HS2ST1: variants seen among roughly 807,000 people sequenced by gnomAD.
HS2ST1 encodes the protein heparan sulfate 2-O-sulfotransferase 1.
In HS2ST1, 18 loss-of-function variants were observed where a neutral mutation model predicts 42.9. That is an observed-to-expected ratio of 0.42 (90% CI 0.29 to 0.62). The LOEUF (loss-of-function observed/expected upper bound fraction) is 0.62. HS2ST1 is among the 20% of genes least tolerant of loss of function. The pLI, the probability that HS2ST1 is intolerant of heterozygous loss-of-function variation, is 0.21. For missense variants in HS2ST1, 334 were observed against 433.8 expected (o/e 0.77, Z 2.04); for synonymous variants, 146 against 152.9 (o/e 0.95, Z 0.33).
chr1:86,945,965 A>G (rs1280462639), intron 1 of HS2ST1, among the ~76,000 whole-genome samples: 1 of 152,200 alleles, frequency 6.6e-6, no homozygotes. Context: ...CAAGTCTCCA[A>G]AACAAATACT....
intron 1 of HS2ST1, among the ~76,000 whole-genome samples, chr1:86,955,752 A>C (rs903837756): frequency 7.9e-5 from 12 of 152,336 alleles, no homozygotes; most frequent in Non-Finnish European, 2.9e-5. Flanking sequence ...TGGGAGGCCA[A>C]GGTGGGCGGA....
At chr1:86,962,661 C>T (rs749578506) in intron 1 of HS2ST1, among the ~76,000 whole-genome samples, 1 of 152,180 alleles carries the variant, frequency 6.6e-6, no homozygotes, top group Non-Finnish European at 1.5e-5. Context: ...CTGTGATTTA[C>T]AGGTGAATTA....
intron 1 of HS2ST1, among the ~76,000 whole-genome samples, chr1:86,924,822 A>C (rs1203815716): frequency 6.6e-6 from 1 of 151,910 alleles, no homozygotes; most frequent in Non-Finnish European, 1.5e-5. Flanking sequence ...TGACATGGAG[A>C]CCTCTGACAT....
intron 1 of HS2ST1, among the ~76,000 whole-genome samples, chr1:87,044,493 A>G (rs1392157184): frequency 6.6e-6 from 1 of 152,206 alleles, no homozygotes; most frequent in Admixed American, 6.5e-5. Flanking sequence ...AATACATAGC[A>G]TTTGATACTT....
intron 1 of HS2ST1, among the ~76,000 whole-genome samples, chr1:86,979,570 T>C (rs184982490): frequency 9.8e-5 from 15 of 152,366 alleles, no homozygotes; most frequent in African/African-American, 3.1e-4. Flanking sequence ...TACTATTACA[T>C]TGAATGTATA....
chr1:87,036,026 T>G (rs1227937224), intron 1 of HS2ST1, among the ~76,000 whole-genome samples: 1 of 152,124 alleles, frequency 6.6e-6, no homozygotes, highest in African/African-American at 2.4e-5. Flanking sequence ...CCTGTGTCCA[T>G]GTGTTCTCAT....
intron 4 of HS2ST1, among the ~76,000 whole-genome samples, chr1:87,093,643 A>T (rs1651998606): frequency 6.6e-6 from 1 of 152,080 alleles, no homozygotes; most frequent in South Asian, 2.1e-4. Flanking sequence ...TATTTAATTC[A>T]TCTTCGTTTC....
intron 1 of HS2ST1, among the ~76,000 whole-genome samples, chr1:87,005,098 T>A (rs948458709): frequency 3.9e-5 from 6 of 152,214 alleles, no homozygotes; most frequent in Non-Finnish European, 7.4e-5. Flanking sequence ...GTCCCTCTGG[T>A]AAGATTTTTT....
chr1:87,027,416 T>C (rs1650115784), intron 1 of HS2ST1, among the ~76,000 whole-genome samples: 1 of 152,164 alleles, frequency 6.6e-6, no homozygotes, highest in Admixed American at 6.5e-5. Context: ...AATGCATGAT[T>C]TTAGAAATCT....
intron 1 of HS2ST1, among the ~76,000 whole-genome samples, chr1:86,970,390 G>A (rs901265991): frequency 8.5e-5 from 13 of 152,082 alleles, no homozygotes; most frequent in Non-Finnish European, 1.5e-4. Context: ...AAGATTTTAA[G>A]CATAATTTTA....
At chr1:87,103,711 G>A in intron 6 of HS2ST1, 122 bp downstream of exon 6, 1 of 770,284 alleles carries the variant, frequency 1.3e-6, no homozygotes. Context: ...AGAAAGGCAG[G>A]TATCTTGTCG....
In HS2ST1 at chr1:87,016,864, G is replaced by T. The variant is rs536570236; in HGVS notation, c.125-56070G>T. Among the ~76,000 whole-genome samples, 9 of 149,006 alleles carry T rather than the reference G, an allele frequency of 6.0e-5. No individual in the cohort carries two copies. The South Asian group carries it at 6.4e-4, about 11-fold the overall frequency. ...CGTCAGTTTCTTTAATGGTTATTGG[G>T]TTTTTTTTTTTCAGGTTTTCACTTT... On this transcript the variant is annotated intron_variant, in intron 1 of 6. Transcript: ENST00000370550.
At chr1:86,915,251 G>A (rs1660119985) in intron 1 of HS2ST1, 91 bp downstream of exon 1, 2 of 1,442,480 alleles carry the variant, frequency 1.4e-6, no homozygotes, top group African/African-American at 2.9e-5. Flanking sequence ...CTAACCTGGG[G>A]TCTGGCTCGG....
chr1:87,064,421 A>T (rs745769056), intron 1 of HS2ST1: 1 of 513,926 alleles, frequency 1.9e-6, no homozygotes, highest in East Asian at 5.5e-5. Context: ...AGAAGGGGCA[A>T]TAGTGAAACA....
At chr1:87,040,680 GTA>G (rs951250229) in intron 1 of HS2ST1, among the ~76,000 whole-genome samples, 1 of 152,158 alleles carries the variant, frequency 6.6e-6, no homozygotes, top group Non-Finnish European at 1.5e-5. Context: ...AATGTTAGCA[GTA>G]GTAGAGCATT....
chr1:86,925,347 T>C (rs1334115112), intron 1 of HS2ST1, among the ~76,000 whole-genome samples: 3 of 152,190 alleles, frequency 2.0e-5, no homozygotes, highest in Non-Finnish European at 2.9e-5. Context: ...TATTACCCAG[T>C]CCCAAAGTAG....
At chr1:87,077,789 G>A (rs976942938) in intron 2 of HS2ST1, among the ~76,000 whole-genome samples, 11 of 152,092 alleles carry the variant, frequency 7.2e-5, no homozygotes, top group African/African-American at 2.2e-4. Context: ...TTTTGATAGC[G>A]GTAGATGATA....
intron 1 of HS2ST1, among the ~76,000 whole-genome samples, chr1:87,012,040 T>A (rs1231593675): frequency 6.6e-6 from 1 of 152,212 alleles, no homozygotes; most frequent in Non-Finnish European, 1.5e-5. Flanking sequence ...ATTAATTGAT[T>A]CCCCTTTCCA....
intron 1 of HS2ST1, among the ~76,000 whole-genome samples, chr1:86,983,794 G>A (rs1205054432): frequency 6.6e-6 from 1 of 152,030 alleles, no homozygotes; most frequent in Non-Finnish European, 1.5e-5. Context: ...TGTAATCCCA[G>A]CCCTTTGGGA....
Sources: allele counts gnomAD v4.1 joint callset (sites outside exome capture counted in the v4.1 genomes callset), GRCh38; gene constraint gnomAD v4.1.1; transcripts MANE v1.5; gene names NCBI Gene and HGNC (gene_info 2026-07-23, HGNC 2026-07-21).